TFCP2: variants seen among roughly 807,000 people sequenced by gnomAD.
TFCP2 encodes the protein alpha-globin transcription factor CP2.
A neutral mutation model predicts 73.4 loss-of-function variants in TFCP2; 33 were observed. The observed-to-expected ratio is 0.45, with a 90% confidence interval of 0.34 to 0.60. The LOEUF is 0.60. Ranked by LOEUF, TFCP2 falls within the 20% of genes least tolerant of loss-of-function variation. The pLI is 0.01. For missense variants in TFCP2, 352 were observed against 604.0 expected (o/e 0.58, Z 4.37); for synonymous variants, 193 against 211.6 (o/e 0.91, Z 0.76).
chr12:51,152,539 A>G (rs865865234), intron 1 of TFCP2, among the ~76,000 whole-genome samples: 1 of 152,208 alleles, frequency 6.6e-6, no homozygotes, highest in Admixed American at 6.6e-5. Flanking sequence ...TAGTTATGTA[A>G]GAGAATTTGT....
At chr12:51,106,886 C>A in intron 7 of TFCP2, 1 of 490,634 alleles carries the variant, frequency 2.0e-6, no homozygotes, top group Non-Finnish European at 3.7e-6. Context: ...CCAAAGGCAG[C>A]ACACAGCTCT....
intron 1 of TFCP2, among the ~76,000 whole-genome samples, chr12:51,127,591 G>A (rs1482498519): frequency 4.6e-5 from 7 of 152,164 alleles, no homozygotes; most frequent in Admixed American, 2.6e-4. Context: ...TGTAAAAGGC[G>A]TATTACTAAT....
At chr12:51,106,665 T>C in intron 7 of TFCP2, 52 bp from the exon 8 acceptor site, 1 of 1,436,264 alleles carries the variant, frequency 7.0e-7, no homozygotes, top group Non-Finnish European at 9.7e-7. Context: ...GACCCCAGGA[T>C]TTGACTAAAA....
intron 1 of TFCP2, among the ~76,000 whole-genome samples, chr12:51,123,814 T>C (rs1359023016): frequency 6.6e-6 from 1 of 152,234 alleles, no homozygotes; most frequent in East Asian, 1.9e-4. Flanking sequence ...ATGTATACTT[T>C]TGTTTTGTGA....
chr12:51,161,690 AT>A (rs776900298), intron 1 of TFCP2, among the ~76,000 whole-genome samples: 12 of 146,528 alleles, frequency 8.2e-5, no homozygotes, highest in South Asian at 2.1e-4. Flanking sequence ...AAAAAAAATA[AT>A]AATAATAATA....
chr12:51,168,139 T>C (rs1356407287), intron 1 of TFCP2, among the ~76,000 whole-genome samples: 1 of 152,084 alleles, frequency 6.6e-6, no homozygotes, highest in African/African-American at 2.4e-5. Flanking sequence ...CTCACACCTA[T>C]AATCCCGGCA....
chr12:51,095,102 C>T lies in TFCP2; in HGVS notation c.*139G>A, dbSNP rs1032499299. 2.1e-6 allele frequency: 2 copies of T among 930,996 alleles called. No homozygotes were observed. The highest frequency in any genetic ancestry group is 1.6e-5 in the African/African-American group (1 of 61,582). The allele number at this position is 930,996 out of a possible 1,614,324, so 57.7% of individuals were successfully genotyped here. A position where few individuals can be genotyped will look rare whatever the true frequency, so the allele number is the denominator to read the frequency against. On this transcript the variant is annotated 3_prime_UTR_variant, in exon 15 of 15. Coordinates refer to ENST00000257915, the MANE Select transcript of TFCP2 (RefSeq NM_005653.5). ...ACACAGAGGGCCAGGATTCTGCCTC[C>T]ATGGCCTGGACTCCTCCACACACAG...
Position 51,172,588 on chromosome 12 carries a change from TA to T in TFCP2, c.-167del. ...CGACCAGCACTGCTCTGTGCACAAC[TA>T]ATCTCCCGTACCCTTGGCTGCTCGT... is the stretch of plus-strand genomic sequence containing the variant. On this transcript the variant is annotated 5_prime_UTR_variant, in exon 1 of 15. Transcript: ENST00000257915. 1.2e-6 allele frequency: 1 copy of T among 812,008 alleles called. No individual in the cohort carries two copies. The highest frequency in any genetic ancestry group is 1.8e-5 in the South Asian group (1 of 55,922). 50.3% of individuals were successfully genotyped at this position (812,008 alleles called of 1,614,324 possible).
chr12:51,117,829 A>C lies in TFCP2; in HGVS notation c.275-82T>G. Reference sequence around the variant, plus strand: ...GGAAAGAATAAAATTCAGTTGGTTGAATATACAACAGTATAATAATATTAT... The same window carrying C: ...GGAAAGAATAAAATTCAGTTGGTTGCATATACAACAGTATAATAATATTAT... On this transcript the variant is annotated intron_variant, in intron 2 of 14. Transcript: ENST00000257915. The C allele has an allele frequency of 3.6e-6, 3 of 834,412 alleles. No individual in the cohort carries two copies. In the South Asian group the frequency reaches 4.7e-5, roughly 13 times the overall value. The allele number at this position is 834,412 out of a possible 1,614,324, so 51.7% of individuals were successfully genotyped here.
intron 13 of TFCP2, 135 bp downstream of exon 13, chr12:51,098,641 G>A (rs1940028418): frequency 3.9e-6 from 4 of 1,028,970 alleles, no homozygotes; most frequent in Non-Finnish European, 5.5e-6. Context: ...AAAAAAATTA[G>A]GAGGAAAGCA....
At chr12:51,168,033 C>T (rs1941789810) in intron 1 of TFCP2, among the ~76,000 whole-genome samples, 1 of 151,832 alleles carries the variant, frequency 6.6e-6, no homozygotes, top group Admixed American at 6.6e-5. Flanking sequence ...TGCACTCTAG[C>T]TTGGGTGACA....
intron 1 of TFCP2, among the ~76,000 whole-genome samples, chr12:51,140,077 C>T (rs1269846279): frequency 1.3e-5 from 2 of 152,190 alleles, no homozygotes; most frequent in South Asian, 2.1e-4. Flanking sequence ...TTTATCAACA[C>T]TCAATGCCTC....
At chr12:51,111,072 G>A in intron 4 of TFCP2, 89 bp from the exon 5 acceptor site, 1 of 892,628 alleles carries the variant, frequency 1.1e-6, no homozygotes, top group Non-Finnish European at 1.8e-6. Flanking sequence ...ACTCAATGTA[G>A]CTACCAAGAT....
rs931122375 is a variant in TFCP2 at position 51,094,499 on chromosome 12, G to C, written c.*742C>G. Reference sequence around the variant, plus strand: ...TGAATAAGGAGGGCCAGATTGCCTGGTTTGGATTTCAGCATCACTGCCTGC... The same window carrying C: ...TGAATAAGGAGGGCCAGATTGCCTGCTTTGGATTTCAGCATCACTGCCTGC... On this transcript the variant is annotated 3_prime_UTR_variant, in exon 15 of 15. Coordinates refer to ENST00000257915, the MANE Select transcript of TFCP2 (RefSeq NM_005653.5). 3 of 152,234 alleles carry C rather than the reference G, an allele frequency of 2.0e-5. No homozygotes were observed. The highest frequency in any genetic ancestry group is 2.0e-4 in the Admixed American group (3 of 15,268). The allele number at this position is 152,234 out of a possible 1,614,324, so 9.4% of individuals were successfully genotyped here. A position where few individuals can be genotyped will look rare whatever the true frequency, so the allele number is the denominator to read the frequency against.
At chr12:51,117,939 T>C (rs1204409144) in intron 2 of TFCP2, among the ~76,000 whole-genome samples, 192 bp from the exon 3 acceptor site, 1 of 152,204 alleles carries the variant, frequency 6.6e-6, no homozygotes, top group Non-Finnish European at 1.5e-5. Context: ...TTAACTGATA[T>C]ACTTTTCTAA....
At chr12:51,143,137 T>C (rs548465233) in intron 1 of TFCP2, among the ~76,000 whole-genome samples, 1 of 152,134 alleles carries the variant, frequency 6.6e-6, no homozygotes, top group South Asian at 2.1e-4. Context: ...TTAACTCCCA[T>C]ACATTTAAGT....
At chr12:51,096,435 C>G (rs900029085) in intron 13 of TFCP2, among the ~76,000 whole-genome samples, 11 of 152,152 alleles carry the variant, frequency 7.2e-5, no homozygotes, top group African/African-American at 2.7e-4. Context: ...TCCCTTCTCC[C>G]AGGGATAAAC....
intron 1 of TFCP2, among the ~76,000 whole-genome samples, chr12:51,139,586 C>T (rs896307104): frequency 3.9e-5 from 6 of 152,088 alleles, no homozygotes; most frequent in Non-Finnish European, 8.8e-5. Context: ...CTATGTTGCC[C>T]AGACTGGTGC....
At chr12:51,154,797 A>C (rs1941503189) in intron 1 of TFCP2, among the ~76,000 whole-genome samples, 5 of 152,176 alleles carry the variant, frequency 3.3e-5, no homozygotes, top group Admixed American at 3.3e-4. Context: ...GGTAACTGAT[A>C]TCTCAGAAAG....
Sources: gnomAD v4.1 joint callset for allele counts (sites outside exome capture counted in the v4.1 genomes callset) on GRCh38, gnomAD v4.1.1 for gene constraint, MANE v1.5 for transcripts, NCBI Gene and HGNC (gene_info 2026-07-23, HGNC 2026-07-21) for gene names.